ACKR3: variants seen among roughly 807,000 people sequenced by gnomAD.
ACKR3 encodes the protein C-X-C chemokine receptor type 7.
Under a neutral mutation model 22.4 loss-of-function variants are expected in ACKR3, and 6 were observed. The ratio of observed to expected loss-of-function variants is 0.27; its 90% CI spans 0.15 to 0.53. The LOEUF (loss-of-function observed/expected upper bound fraction) is 0.53. ACKR3 is among the 20% of genes least tolerant of loss of function. The probability of loss-of-function intolerance (pLI) is 0.96; values close to 1 mark genes in which losing one functional copy is unlikely to be tolerated. For synonymous variants in ACKR3, 209 were observed against 205.2 expected (o/e 1.02, Z -0.16); for missense variants, 396 against 475.2 (o/e 0.83, Z 1.55).
chr2:236,539,111 TTATTATTGAGTAG>T, the ACKR3 span, among the ~76,000 whole-genome samples: 4 of 152,258 alleles, frequency 2.6e-5, no homozygotes, highest in East Asian at 7.7e-4. Flanking sequence ...TTGTTCCTTT[TTATTATTGAGTAG>T]TATTCTACTG....
At chr2:236,545,328 C>T in the ACKR3 span, among the ~76,000 whole-genome samples, 2 of 152,178 alleles carry the variant, frequency 1.3e-5, no homozygotes, top group African/African-American at 4.8e-5. This position sits in a 1 kb window ranked among gnomAD's most constrained non-coding sequence, Gnocchi z 5.3. Context: ...CTGCTGGGAT[C>T]CAGAGCCCTC....
chr2:236,551,363 A>G, the ACKR3 span, among the ~76,000 whole-genome samples: 35 of 152,304 alleles, frequency 2.3e-4, no homozygotes, highest in Admixed American at 5.9e-4. Flanking sequence ...GCTGCCCCCA[A>G]GTCCAGCCTT....
At chr2:236,556,028 A>G in the ACKR3 span, among the ~76,000 whole-genome samples, 41,298 of 152,026 alleles carry the variant, frequency 0.27, 8,591 homozygotes, top group African/African-American at 0.59. Context: ...GGTGGGGGCA[A>G]TCTGCCATGG....
Position 236,581,916 on chromosome 2 carries a change from C to T in ACKR3, c.*362C>T. 1.1e-5 allele frequency: 2 copies of T among 184,946 alleles called. No individual in the cohort carries two copies. The highest frequency in any genetic ancestry group is 1.1e-4 in the Admixed American group (2 of 17,670). The allele number at this position is 184,946 out of a possible 1,614,324, so 11.5% of individuals were successfully genotyped here. A position where few individuals can be genotyped will look rare whatever the true frequency, so the allele number is the denominator to read the frequency against. On this transcript the variant is annotated 3_prime_UTR_variant, in exon 2 of 2. Transcript: ENST00000272928. This position sits in a 1 kb window ranked among gnomAD's most constrained non-coding sequence, Gnocchi z 4.4. ...ACTTTATTTTCTCACTATTGGTGTA[C>T]CTTATAAATGTATTTGAAAGTTAAA... is the stretch of plus-strand genomic sequence containing the variant.
At chr2:236,555,311 G>C in the ACKR3 span, among the ~76,000 whole-genome samples, 1 of 152,168 alleles carries the variant, frequency 6.6e-6, no homozygotes, top group Non-Finnish European at 1.5e-5. Flanking sequence ...ACTTCTATAG[G>C]TCTAGGTCTC....
chr2:236,581,460 T>G lies in ACKR3; in HGVS notation c.995T>G (p.Phe332Cys), dbSNP rs1260978093. The G allele has an allele frequency of 6.2e-7, 1 of 1,614,168 alleles. No individual in the cohort carries two copies. The highest frequency in any genetic ancestry group is 1.7e-5 in the Admixed American group (1 of 60,022). Reference sequence around the variant, plus strand: ...TACGAGCTGATGAAGGCCTTCATCTTCAAGTACTCGGCCAAAACAGGGCTC... The same window carrying G: ...TACGAGCTGATGAAGGCCTTCATCTGCAAGTACTCGGCCAAAACAGGGCTC... ...YRYELMKAFIFKYSAKTGLTK... is the reference protein window; with the variant it reads ...YRYELMKAFICKYSAKTGLTK... The change falls in exon 2 of 2, where the codon TTC becomes TGC. Residue 332 changes from phenylalanine (F) to cysteine (C), a missense_variant. Coordinates refer to ENST00000272928, the MANE Select transcript of ACKR3 (RefSeq NM_020311.3). The surrounding 1 kb of genome is among the most constrained non-coding windows in gnomAD (Gnocchi z 4.4).
the ACKR3 span, among the ~76,000 whole-genome samples, chr2:236,537,226 T>G: frequency 6.6e-6 from 1 of 152,148 alleles, no homozygotes; most frequent in African/African-American, 2.4e-5. Context: ...ATACCAGCAA[T>G]GGGATGGCTG....
At chr2:236,562,279 A>C in the ACKR3 span, among the ~76,000 whole-genome samples, 12 of 152,208 alleles carry the variant, frequency 7.9e-5, no homozygotes, top group Non-Finnish European at 1.8e-4. Flanking sequence ...TGTTAAACCT[A>C]TTTTGCATTT....
At chr2:236,557,506 A>G in the ACKR3 span, among the ~76,000 whole-genome samples, 4,275 of 152,328 alleles carry the variant, frequency 0.028, 194 homozygotes, top group African/African-American at 0.097. Context: ...AATGATGGCC[A>G]TATATTGAAA....
chr2:236,576,659 G>C (rs187066703), intron 1 of ACKR3, among the ~76,000 whole-genome samples: 2 of 152,364 alleles, frequency 1.3e-5, no homozygotes, highest in Admixed American at 1.3e-4. Context: ...CAATGAAAGT[G>C]GGCCCTGCCC....
rs749662463 is a variant in ACKR3, at chr2:236,581,171, G to A, written c.706G>A (p.Ala236Thr). The change falls in exon 2 of 2, where the codon GCC (alanine) becomes ACC (threonine). Residue 236 changes from alanine to threonine, a missense_variant. Ala to Thr is a moderately conservative substitution (Grantham distance 58, BLOSUM62 0). Coordinates refer to ENST00000272928, the MANE Select transcript of ACKR3 (RefSeq NM_020311.3). This position sits in a 1 kb window ranked among gnomAD's most constrained non-coding sequence, Gnocchi z 4.4. ...TATCGCTGTCTTCTACTTCCTGCTG[G>A]CCAGAGCCATCTCGGCGTCCAGTGA... ...SIIAVFYFLLARAISASSDQE... is the reference protein window; with the variant it reads ...SIIAVFYFLLTRAISASSDQE... 2.5e-6 allele frequency: 4 copies of A among 1,613,798 alleles called. No homozygotes were observed. The highest frequency in any genetic ancestry group is 3.4e-6 in the Non-Finnish European group (4 of 1,179,744).
the ACKR3 span, among the ~76,000 whole-genome samples, chr2:236,547,120 A>G: frequency 6.6e-6 from 1 of 152,234 alleles, no homozygotes; most frequent in Non-Finnish European, 1.5e-5. Flanking sequence ...CATTGTCATG[A>G]TGACAGGTGG....
the ACKR3 span, among the ~76,000 whole-genome samples, chr2:236,554,046 C>T: frequency 6.6e-6 from 1 of 152,164 alleles, no homozygotes; most frequent in Non-Finnish European, 1.5e-5. Flanking sequence ...ACTCACGAGC[C>T]TCAGGGCTGT....
chr2:236,564,560 C>A (rs979213446), upstream of ACKR3, among the ~76,000 whole-genome samples: 1 of 151,668 alleles, frequency 6.6e-6, no homozygotes, highest in African/African-American at 2.4e-5. Context: ...AGAAATCATA[C>A]CCTTGGTTGC....
the ACKR3 span, among the ~76,000 whole-genome samples, chr2:236,552,703 C>T: frequency 0.058 from 8,822 of 152,152 alleles, 351 homozygotes; most frequent in African/African-American, 0.1. Flanking sequence ...GCATGCTCTG[C>T]GTGTAGGAAA....
the ACKR3 span, among the ~76,000 whole-genome samples, chr2:236,558,302 G>GGGGC: frequency 2.0e-5 from 3 of 152,204 alleles, no homozygotes; most frequent in African/African-American, 7.2e-5. Flanking sequence ...TGCTAATGAA[G>GGGGC]GGGCGGGTCA....
chr2:236,578,261 A>G (rs1034786756), intron 1 of ACKR3, among the ~76,000 whole-genome samples: 2 of 152,222 alleles, frequency 1.3e-5, no homozygotes, highest in African/African-American at 2.4e-5. Context: ...TGCTGGGCCT[A>G]CGTCCTTTTG....
chr2:236,581,131 C>G lies in ACKR3; in HGVS notation c.666C>G (p.Ala222=), dbSNP rs748314078. 1 of 1,614,226 alleles carries G rather than the reference C, an allele frequency of 6.2e-7. No individual in the cohort carries two copies. The highest frequency in any genetic ancestry group is 8.5e-7 in the Non-Finnish European group (1 of 1,180,050). Residue 222 remains alanine, a synonymous_variant, in exon 2 of 2, where the codon GCC becomes GCG. Transcript: ENST00000272928. This position sits in a 1 kb window ranked among gnomAD's most constrained non-coding sequence, Gnocchi z 4.4. The part of the protein sequence containing the change: ...MELVSVVLGF[A]VPFSIIAVFY... ...TGGTCTCCGTTGTCTTGGGCTTTGC[C>G]GTTCCCTTCTCCATTATCGCTGTCT...
intron 1 of ACKR3, among the ~76,000 whole-genome samples, chr2:236,573,618 C>A (rs1691352494): frequency 1.3e-5 from 2 of 152,190 alleles, no homozygotes; most frequent in African/African-American, 4.8e-5. Flanking sequence ...AGAGGGTCCC[C>A]CTTTTCGGAG....
Sources: gnomAD v4.1 joint callset for allele counts (sites outside exome capture counted in the v4.1 genomes callset) on GRCh38, gnomAD v4.1.1 for gene constraint, Gnocchi (gnomAD v3.1) non-coding constraint, MANE v1.5 for transcripts, NCBI Gene and HGNC (gene_info 2026-07-23, HGNC 2026-07-21) for gene names.